CARF: variants seen among roughly 807,000 people sequenced by gnomAD.
The protein encoded by CARF is calcium responsive transcription factor, also known as calcium-responsive transcription factor.
In CARF, 57 loss-of-function variants were observed where a neutral mutation model predicts 82.0. That is an observed-to-expected ratio of 0.70 (90% CI 0.56 to 0.87). The LOEUF (loss-of-function observed/expected upper bound fraction) is 0.87, where lower values mean the gene tolerates loss of function less well. Ranked by LOEUF, CARF falls within the 40% of genes least tolerant of loss-of-function variation. The probability of loss-of-function intolerance (pLI) is 0.00; values close to 1 mark genes in which losing one functional copy is unlikely to be tolerated. For missense variants in CARF, 771 were observed against 855.8 expected (o/e 0.90, Z 1.24); for synonymous variants, 268 against 290.1 (o/e 0.92, Z 0.77).
Position 202,949,486 on chromosome 2 carries a change from C to T in CARF, c.307-3073C>T, listed in dbSNP as rs2058654847. ...GAGCTTTTTAAAGAAATATACCTTC[C>T]TTTTTTTCAATATGACTTTTTGTTA... On this transcript the variant is annotated intron_variant, in intron 5 of 16. Coordinates refer to ENST00000438828, the MANE Select transcript of CARF (RefSeq NM_024744.17). Among the ~76,000 whole-genome samples, 3 of 148,428 alleles carry T rather than the reference C, an allele frequency of 2.0e-5. No homozygotes were observed. In the South Asian group the frequency reaches 6.4e-4, roughly 32 times the overall value.
intron 3 of CARF, among the ~76,000 whole-genome samples, chr2:202,928,708 G>A (rs868842711): frequency 2.6e-5 from 4 of 151,974 alleles, no homozygotes; most frequent in Non-Finnish European, 5.9e-5. Flanking sequence ...GTATTTACCC[G>A]ATTCTTAGAG....
chr2:202,976,383 A>C (rs930745887), intron 13 of CARF, among the ~76,000 whole-genome samples: 18 of 152,056 alleles, frequency 1.2e-4, no homozygotes, highest in Non-Finnish European at 2.2e-4. Flanking sequence ...CATGTTGGCC[A>C]GGCTGGTCTC....
chr2:202,964,881 G>GTATA (rs893533966), intron 9 of CARF, among the ~76,000 whole-genome samples: 8 of 91,116 alleles, frequency 8.8e-5, no homozygotes, highest in Non-Finnish European at 2.2e-4. Context: ...ATACATATAT[G>GTATA]TGTATATATA....
intron 1 of CARF, among the ~76,000 whole-genome samples, chr2:202,916,111 A>T (rs1231428642): frequency 6.6e-6 from 1 of 152,038 alleles, no homozygotes; most frequent in African/African-American, 2.4e-5. Flanking sequence ...TATGTCATTT[A>T]CCTCTAAAAG....
chr2:202,916,812 A>G (rs1050257192), intron 1 of CARF, among the ~76,000 whole-genome samples: 7 of 151,436 alleles, frequency 4.6e-5, no homozygotes, highest in Non-Finnish European at 7.3e-5. Context: ...CAGTGGCCCA[A>G]GTATGGTCCT....
chr2:202,930,518 G>A (rs1046197001), intron 3 of CARF, among the ~76,000 whole-genome samples: 1 of 151,904 alleles, frequency 6.6e-6, no homozygotes, highest in Non-Finnish European at 1.5e-5. Flanking sequence ...GCTCTCTATT[G>A]TATTTATTTC....
At chr2:202,939,685 CTTTTTTTT>C (rs749966536) in intron 3 of CARF, among the ~76,000 whole-genome samples, 2 of 104,894 alleles carry the variant, frequency 1.9e-5, no homozygotes, top group Admixed American at 1.0e-4. Context: ...GCCTTTTTTT[CTTTTTTTT>C]TTTTTTTTTT....
chr2:202,974,497 G>T lies in CARF; in HGVS notation c.1494+1G>T. On this transcript the variant is annotated splice_donor_variant, in intron 13 of 16. Transcript: ENST00000438828. LOFTEE classifies it high-confidence loss of function. ...TAACTCAGAGATTATTCCAGCAACG[G>T]TATGATTACAACCATAATTCCTTAT... 6.3e-7 allele frequency: 1 copy of T among 1,593,586 alleles called. No individual in the cohort carries two copies. Among genetic ancestry groups the T allele is most frequent in the Non-Finnish European group, 8.5e-7 (1 of 1,173,570 alleles).
intron 11 of CARF, among the ~76,000 whole-genome samples, chr2:202,971,061 T>G (rs772512748): frequency 1.3e-5 from 2 of 152,120 alleles, no homozygotes; most frequent in Admixed American, 6.5e-5. Context: ...GAAGTGTAAT[T>G]TGGGACGAAT....
In CARF at chr2:202,916,162, T is replaced by TTTTATTTATTTA. The variant is rs151050381; in HGVS notation, c.-329-1691_-329-1680dup. Among the ~76,000 whole-genome samples the TTTTATTTATTTA allele has an allele frequency of 9.1e-3, 1,336 of 146,644 alleles. 14 individuals carry two copies. Among genetic ancestry groups the TTTTATTTATTTA allele is most frequent in the African/African-American group, 0.031 (1,241 of 39,698 alleles). ...CTTTCTAAAGTACTTTTGAGCAATA[T>TTTTATTTATTTA]TTTATTTATTTATTTATTTATTTAT... On this transcript the variant is annotated intron_variant, in intron 1 of 16. Coordinates refer to ENST00000438828, the MANE Select transcript of CARF (RefSeq NM_024744.17).
chr2:202,944,100 A>T (rs992125835), intron 5 of CARF, among the ~76,000 whole-genome samples: 1 of 152,212 alleles, frequency 6.6e-6, no homozygotes, highest in Admixed American at 6.5e-5. Flanking sequence ...TTTGTGGGTA[A>T]ATGTGTGCCA....
intron 2 of CARF, 46 bp downstream of exon 2, chr2:202,918,089 G>C: frequency 2.3e-6 from 1 of 441,176 alleles, no homozygotes; most frequent in South Asian, 1.7e-5. Flanking sequence ...ATTTTAAAAA[G>C]TTAACTATTA....
chr2:202,938,928 C>T (rs2058084341), intron 3 of CARF, among the ~76,000 whole-genome samples: 1 of 152,032 alleles, frequency 6.6e-6, no homozygotes, highest in Non-Finnish European at 1.5e-5. Flanking sequence ...CTTCTGCTAC[C>T]ATGTTGCTAT....
intron 2 of CARF, among the ~76,000 whole-genome samples, chr2:202,919,456 CA>C (rs771764833): frequency 8.5e-5 from 13 of 152,204 alleles, no homozygotes; most frequent in Admixed American, 2.0e-4. Flanking sequence ...AAGCTATTGG[CA>C]CTTTTTACAA....
At chr2:202,916,229 G>A (rs1463709492) in intron 1 of CARF, among the ~76,000 whole-genome samples, 1 of 151,662 alleles carries the variant, frequency 6.6e-6, no homozygotes, top group Admixed American at 6.6e-5. Flanking sequence ...TCGCCAGGCT[G>A]TAGTGCCGTG....
chr2:202,937,770 G>A (rs1218457585), intron 3 of CARF, among the ~76,000 whole-genome samples: 5 of 151,808 alleles, frequency 3.3e-5, no homozygotes, highest in Non-Finnish European at 5.9e-5. Flanking sequence ...AATTATAGGC[G>A]TGCGCCACCA....
chr2:202,933,642 TC>T (rs145842986), intron 3 of CARF, among the ~76,000 whole-genome samples: 13,458 of 152,238 alleles, frequency 0.088, 740 homozygotes, highest in Non-Finnish European at 0.12. Context: ...GTTTCTGTGC[TC>T]GTCAATGCTC....
intron 2 of CARF, among the ~76,000 whole-genome samples, chr2:202,918,290 G>A (rs1690100704): frequency 6.6e-6 from 1 of 152,142 alleles, no homozygotes; most frequent in African/African-American, 2.4e-5. Flanking sequence ...GGAGGCCGAG[G>A]TGGGCGGATC....
At chr2:202,914,327 G>A (rs529326561) in intron 1 of CARF, among the ~76,000 whole-genome samples, 7 of 152,164 alleles carry the variant, frequency 4.6e-5, no homozygotes, top group Non-Finnish European at 8.8e-5. Flanking sequence ...ATGCATTAGG[G>A]CTTTGGAGTC....
Sources: gnomAD v4.1 joint callset for allele counts (sites outside exome capture counted in the v4.1 genomes callset) on GRCh38, gnomAD v4.1.1 for gene constraint, MANE v1.5 for transcripts, NCBI Gene and HGNC (gene_info 2026-07-23, HGNC 2026-07-21) for gene names.